Variants in FNBP1L observed in about 807,000 individuals in gnomAD.
FNBP1L encodes the protein formin binding protein 1 like, also known as formin-binding protein 1-like.
FNBP1L carries 36 observed loss-of-function variants against 91.2 expected under a neutral mutation model. That is an observed-to-expected ratio of 0.39 (90% CI 0.30 to 0.52). FNBP1L has a LOEUF of 0.52. FNBP1L is among the 20% of genes least tolerant of loss of function. FNBP1L has a pLI of 0.66. For synonymous variants in FNBP1L, 242 were observed against 237.0 expected, an observed-to-expected ratio of 1.02 and a Z score of -0.19; for missense variants, 571 against 732.1, an observed-to-expected ratio of 0.78 and a Z score of 2.54.
At position 93,528,075 on chromosome 1, in the gene FNBP1L, G is replaced by C. The variant is rs78904771; in HGVS notation, c.406-1577G>C. Among the ~76,000 whole-genome samples the C allele has an allele frequency of 4.4e-3, 671 of 152,146 alleles. 4 individuals are homozygous for C. The highest frequency in any genetic ancestry group is 0.011 in the South Asian group (53 of 4,822). ...AGACATTGAAAATATGGAAAATTAG[G>C]AGACTCATCCAGTAGGTTCATTTCC... On this transcript the variant is annotated intron_variant, in intron 5 of 16. Transcript: ENST00000271234.
intron 1 of FNBP1L, among the ~76,000 whole-genome samples, chr1:93,454,908 TTTTTA>T (rs1668607184): frequency 6.7e-6 from 1 of 149,470 alleles, no homozygotes; most frequent in South Asian, 2.1e-4. Flanking sequence ...TGCTGTTTTA[TTTTTA>T]TTTATTTATT....
chr1:93,510,815 C>G (rs576049756), intron 2 of FNBP1L, among the ~76,000 whole-genome samples: 22 of 152,078 alleles, frequency 1.4e-4, no homozygotes, highest in Non-Finnish European at 2.8e-4. Flanking sequence ...AATGCAGAAG[C>G]CTCAGGAGCC....
intron 1 of FNBP1L, among the ~76,000 whole-genome samples, chr1:93,483,713 G>C (rs1669797433): frequency 6.6e-6 from 1 of 152,124 alleles, no homozygotes; most frequent in Non-Finnish European, 1.5e-5. Flanking sequence ...AGAATAGTAT[G>C]AGGTCACTCT....
chr1:93,485,203 A>G (rs1167965029), intron 1 of FNBP1L, among the ~76,000 whole-genome samples: 1 of 152,058 alleles, frequency 6.6e-6, no homozygotes, highest in Non-Finnish European at 1.5e-5. Flanking sequence ...CACATTACAA[A>G]GAACTGTGAA....
chr1:93,496,562 G>A (rs1670267078), intron 1 of FNBP1L, among the ~76,000 whole-genome samples: 1 of 152,056 alleles, frequency 6.6e-6, no homozygotes, highest in Non-Finnish European at 1.5e-5. Context: ...TAACATGCCT[G>A]GCTAATTTTT....
At chr1:93,508,543 A>G (rs1213652926) in intron 2 of FNBP1L, among the ~76,000 whole-genome samples, 1 of 152,132 alleles carries the variant, frequency 6.6e-6, no homozygotes, top group African/African-American at 2.4e-5. Flanking sequence ...AGTCACCTAT[A>G]GATGTGTGAG....
In FNBP1L at chr1:93,552,579, T is replaced by A; in HGVS notation, c.*163T>A. ...TTTACTAACTTCATTAGCATTTCCA[T>A]ACATTGTTTTTAAAAATCATAATAC... On this transcript the variant is annotated 3_prime_UTR_variant, in exon 17 of 17. Coordinates refer to ENST00000271234, the MANE Select transcript of FNBP1L (RefSeq NM_001164473.3). The A allele has an allele frequency of 1.7e-6, 1 of 595,498 alleles. No homozygotes were observed. The highest frequency in any genetic ancestry group is 2.8e-6 in the Non-Finnish European group (1 of 359,352). 36.9% of individuals were successfully genotyped at this position (595,498 alleles called of 1,614,324 possible). A position where few individuals can be genotyped will look rare whatever the true frequency, so the allele number is the denominator to read the frequency against.
At chr1:93,514,640 C>G (rs1352288893) in intron 2 of FNBP1L, among the ~76,000 whole-genome samples, 1 of 152,176 alleles carries the variant, frequency 6.6e-6, no homozygotes, top group Non-Finnish European at 1.5e-5. Context: ...TGATCTTTGA[C>G]AAACCTGAGA....
intron 1 of FNBP1L, among the ~76,000 whole-genome samples, chr1:93,461,249 C>T (rs1668850131): frequency 6.6e-6 from 1 of 151,980 alleles, no homozygotes; most frequent in Non-Finnish European, 1.5e-5. Context: ...TTTTCCAATC[C>T]TTTTGTGAAG....
chr1:93,477,349 G>T (rs532779779), intron 1 of FNBP1L, among the ~76,000 whole-genome samples: 4 of 152,292 alleles, frequency 2.6e-5, no homozygotes, highest in African/African-American at 9.6e-5. Context: ...CTGTCTTACT[G>T]TACAGTGTTT....
At chr1:93,515,374 A>G (rs1168206272) in intron 2 of FNBP1L, among the ~76,000 whole-genome samples, 2 of 151,632 alleles carry the variant, frequency 1.3e-5, no homozygotes, top group Non-Finnish European at 2.9e-5. Flanking sequence ...TCAGGGATCT[A>G]GAACTAGAAA....
chr1:93,478,402 G>C (rs1251589472), intron 1 of FNBP1L, among the ~76,000 whole-genome samples: 1 of 152,156 alleles, frequency 6.6e-6, no homozygotes, highest in Non-Finnish European at 1.5e-5. Context: ...CCATTTGGGA[G>C]AGTAGAAAGA....
intron 2 of FNBP1L, among the ~76,000 whole-genome samples, chr1:93,502,348 A>G (rs1319430438): frequency 6.6e-6 from 1 of 152,328 alleles, no homozygotes; most frequent in East Asian, 1.9e-4. Context: ...AGAAGAGGAT[A>G]TGCTTCAAAA....
intron 12 of FNBP1L, among the ~76,000 whole-genome samples, chr1:93,545,630 G>T (rs1245126397): frequency 1.3e-5 from 2 of 152,098 alleles, no homozygotes; most frequent in Non-Finnish European, 2.9e-5. Flanking sequence ...TTAGCTCTGT[G>T]TGATAAAAGA....
intron 1 of FNBP1L, among the ~76,000 whole-genome samples, chr1:93,489,709 A>C (rs547771684): frequency 2.6e-5 from 4 of 152,276 alleles, no homozygotes; most frequent in South Asian, 4.2e-4. Flanking sequence ...TAAAAAAACA[A>C]CACCATGAGA....
At chr1:93,516,537 T>G (rs994092900) in intron 2 of FNBP1L, among the ~76,000 whole-genome samples, 1 of 152,134 alleles carries the variant, frequency 6.6e-6, no homozygotes, top group African/African-American at 2.4e-5. Context: ...CATCCTGGGC[T>G]GGGCACGATG....
At chr1:93,502,040 C>A (rs745819296) in intron 2 of FNBP1L, among the ~76,000 whole-genome samples, 7 of 151,982 alleles carry the variant, frequency 4.6e-5, no homozygotes, top group Non-Finnish European at 1.0e-4. Flanking sequence ...ATCAGGTGTA[C>A]CAGCATTTTA....
intron 7 of FNBP1L, among the ~76,000 whole-genome samples, chr1:93,532,206 C>T (rs997669220): frequency 2.0e-5 from 3 of 151,490 alleles, no homozygotes; most frequent in Non-Finnish European, 4.4e-5. Context: ...CAGTGGCTCA[C>T]GCCTGTAATC....
intron 1 of FNBP1L, among the ~76,000 whole-genome samples, chr1:93,453,442 C>T (rs890587953): frequency 2.0e-5 from 3 of 152,132 alleles, no homozygotes; most frequent in East Asian, 1.9e-4. Context: ...CTCCTTCCCC[C>T]ACCCTATAAA....
Sources: allele counts gnomAD v4.1 joint callset (sites outside exome capture counted in the v4.1 genomes callset), GRCh38; gene constraint gnomAD v4.1.1; transcripts MANE v1.5; gene names NCBI Gene and HGNC (gene_info 2026-07-23, HGNC 2026-07-21).